Variants in NELL1 observed in about 807,000 individuals in gnomAD.
NELL1 encodes the protein neural EGFL like 1.
Under a neutral mutation model 107.4 loss-of-function variants are expected in NELL1, and 76 were observed. The ratio of observed to expected loss-of-function variants is 0.71; its 90% CI spans 0.59 to 0.86. The LOEUF (loss-of-function observed/expected upper bound fraction) is 0.86. NELL1 is among the 40% of genes least tolerant of loss of function. NELL1 has a pLI of 0.00. For missense variants in NELL1, 1,024 were observed against 1,005.5 expected (o/e 1.02, Z -0.25); for synonymous variants, 353 against 341.2 (o/e 1.03, Z -0.38).
chr11:21,321,559 TATA>T (rs1289743878), intron 14 of NELL1, among the ~76,000 whole-genome samples: 1 of 152,228 alleles, frequency 6.6e-6, no homozygotes, highest in Non-Finnish European at 1.5e-5. Flanking sequence ...GAGAGCTTAT[TATA>T]ATAACAGACA....
At chr11:20,683,339 G>A (rs1005290981) in intron 2 of NELL1, among the ~76,000 whole-genome samples, 1 of 151,882 alleles carries the variant, frequency 6.6e-6, no homozygotes, top group South Asian at 2.1e-4. Flanking sequence ...AGGTTCAGGG[G>A]GTACCTGTCC....
intron 15 of NELL1, among the ~76,000 whole-genome samples, chr11:21,375,201 C>T (rs566064029): frequency 1.3e-5 from 2 of 151,894 alleles, no homozygotes; most frequent in African/African-American, 4.8e-5. Context: ...CAGCCTTTGC[C>T]CCCTCCTTTC....
At chr11:21,552,735 T>G (rs1856621822) in intron 16 of NELL1, among the ~76,000 whole-genome samples, 1 of 151,792 alleles carries the variant, frequency 6.6e-6, no homozygotes, top group Admixed American at 6.6e-5. Flanking sequence ...TTCAAAGGGA[T>G]AAAATCTTCC....
chr11:21,431,778 C>A (rs1026098185), intron 15 of NELL1, among the ~76,000 whole-genome samples: 15 of 152,122 alleles, frequency 9.9e-5, no homozygotes, highest in Non-Finnish European at 1.6e-4. Context: ...TTTTGCTTAA[C>A]CTGCTTCTAC....
intron 12 of NELL1, among the ~76,000 whole-genome samples, chr11:21,039,205 CAG>C (rs977779036): frequency 4.0e-5 from 6 of 151,614 alleles, no homozygotes; most frequent in African/African-American, 1.5e-4. Flanking sequence ...TTCTCCGAGA[CAG>C]AGTCTTGCTC....
chr11:21,039,306 C>T (rs1853169872), intron 12 of NELL1, among the ~76,000 whole-genome samples: 2 of 152,096 alleles, frequency 1.3e-5, no homozygotes. Flanking sequence ...CTGTCTCAGC[C>T]TCCCAAGTAG....
intron 12 of NELL1, among the ~76,000 whole-genome samples, chr11:21,018,560 C>G (rs1351931775): frequency 6.6e-6 from 1 of 152,046 alleles, no homozygotes; most frequent in Non-Finnish European, 1.5e-5. Flanking sequence ...AGAGACAGAG[C>G]TATTTTCCTC....
chr11:21,245,116 A>G (rs1033969942), intron 14 of NELL1, among the ~76,000 whole-genome samples: 1 of 152,154 alleles, frequency 6.6e-6, no homozygotes, highest in African/African-American at 2.4e-5. Context: ...TACACAGGCC[A>G]TTCCTAATTT....
At position 20,915,717 on chromosome 11, in the gene NELL1, A is replaced by ATATATATATATATTTTTTTTTTTTTT; in HGVS notation, c.604-2464_604-2463insATATATATATATTTTTTTTTTTTTTT. Among the ~76,000 whole-genome samples, 26 of 58,216 alleles carry ATATATATATATATTTTTTTTTTTTTT rather than the reference A, an allele frequency of 4.5e-4. 1 individual carries two copies. Among genetic ancestry groups the ATATATATATATATTTTTTTTTTTTTT allele is most frequent in the African/African-American group, 2.3e-3 (26 of 11,320 alleles). The allele number at this position is 58,216 out of a possible 152,430, so 38.2% of individuals were successfully genotyped here. ...TCATAGATGATATATATATATATAT[A>ATATATATATATATTTTTTTTTTTTTT]TTTTTTTTTTTTTTTTTTGAGAGGA... On this transcript the variant is annotated intron_variant, in intron 5 of 19. Transcript: ENST00000357134.
At chr11:20,691,758 G>A (rs1854472494) in intron 2 of NELL1, among the ~76,000 whole-genome samples, 1 of 151,854 alleles carries the variant, frequency 6.6e-6, no homozygotes, top group African/African-American at 2.4e-5. Flanking sequence ...TTTTGGTTGT[G>A]TCTCTGACCG....
At chr11:21,543,971 G>T (rs909013466) in intron 16 of NELL1, among the ~76,000 whole-genome samples, 1 of 151,884 alleles carries the variant, frequency 6.6e-6, no homozygotes, top group Non-Finnish European at 1.5e-5. Flanking sequence ...GAGCAGTAGG[G>T]TCTGTCCTGT....
chr11:21,330,272 G>A (rs934361691), intron 14 of NELL1, among the ~76,000 whole-genome samples: 1 of 152,024 alleles, frequency 6.6e-6, no homozygotes, highest in Admixed American at 6.6e-5. Context: ...AGGAAAATAT[G>A]CATTTATACT....
chr11:21,317,586 C>T (rs1277847829), intron 14 of NELL1, among the ~76,000 whole-genome samples: 1 of 151,812 alleles, frequency 6.6e-6, no homozygotes, highest in African/African-American at 2.4e-5. Context: ...TTCCTCAGGA[C>T]AGCGCAGACC....
intron 15 of NELL1, among the ~76,000 whole-genome samples, chr11:21,404,007 C>CCCT (rs1852163977): frequency 2.1e-5 from 2 of 96,400 alleles, no homozygotes; most frequent in Admixed American, 1.0e-4. Flanking sequence ...ATTCCTGAAC[C>CCCT]CCCCCCCCCG....
In NELL1 at chr11:20,885,466, C is replaced by A. The variant is rs866229124; in HGVS notation, c.529C>A (p.Pro177Thr). ...CAGGATTTATGAGCGTGTGATAGAC[C>A]CTCCAGATACCAACCTTCCCCCAGG... ...CNRIYERVID[P>T]PDTNLPPGIN... Residue 177 changes from proline (P) to threonine (T), a missense_variant, in exon 5 of 20, where the codon CCT becomes ACT. Physicochemically the swap from Pro to Thr is conservative, Grantham distance 38 (BLOSUM62 -1). Coordinates refer to ENST00000357134, the MANE Select transcript of NELL1 (RefSeq NM_006157.5). 6.2e-7 allele frequency: 1 copy of A among 1,612,142 alleles called. No individual in the cohort carries two copies. The highest frequency in any genetic ancestry group is 1.1e-5 in the South Asian group (1 of 91,034).
At chr11:21,163,903 G>C (rs1271587268) in intron 13 of NELL1, among the ~76,000 whole-genome samples, 1 of 152,006 alleles carries the variant, frequency 6.6e-6, no homozygotes, top group Non-Finnish European at 1.5e-5. Flanking sequence ...TGAATTTTGA[G>C]GGGGGTGGGT....
At chr11:21,379,247 G>A (rs1240438224) in intron 15 of NELL1, among the ~76,000 whole-genome samples, 1 of 151,962 alleles carries the variant, frequency 6.6e-6, no homozygotes, top group African/African-American at 2.4e-5. Context: ...CTGAGAACTG[G>A]ACACAACTAC....
At chr11:21,554,751 G>C (rs143500298) in intron 16 of NELL1, among the ~76,000 whole-genome samples, 4 of 151,936 alleles carry the variant, frequency 2.6e-5, no homozygotes, top group Admixed American at 2.0e-4. Context: ...ATGGGACCAA[G>C]ACTCAGAGAT....
At chr11:21,555,662 A>T (rs1333896355) in intron 16 of NELL1, among the ~76,000 whole-genome samples, 1 of 151,928 alleles carries the variant, frequency 6.6e-6, no homozygotes, top group African/African-American at 2.4e-5. Context: ...GTGAGTGAAG[A>T]GTTAATGCTA....
Sources: allele counts gnomAD v4.1 joint callset (sites outside exome capture counted in the v4.1 genomes callset), GRCh38; gene constraint gnomAD v4.1.1; transcripts MANE v1.5; gene names NCBI Gene and HGNC (gene_info 2026-07-23, HGNC 2026-07-21).